Variants in SV2C observed in about 807,000 individuals in gnomAD.
The protein encoded by SV2C is synaptic vesicle glycoprotein 2C, also known as solute carrier family 22 member B3.
A neutral mutation model predicts 79.7 loss-of-function variants in SV2C; 49 were observed. The observed-to-expected ratio is 0.61, with a 90% CI of 0.49 to 0.78. The LOEUF (loss-of-function observed/expected upper bound fraction) is 0.78. SV2C is among the 30% of genes least tolerant of loss of function. The probability of loss-of-function intolerance (pLI) is 0.00; values close to 1 mark genes in which losing one functional copy is unlikely to be tolerated. For synonymous variants in SV2C, 334 were observed against 333.2 expected (o/e 1.00, Z -0.03); for missense variants, 833 against 912.9 (o/e 0.91, Z 1.13).
chr5:76,288,521 A>G (rs1006801454), intron 6 of SV2C, among the ~76,000 whole-genome samples: 5 of 152,230 alleles, frequency 3.3e-5, no homozygotes, highest in African/African-American at 1.2e-4. Flanking sequence ...ATCTTGAGAC[A>G]TTATCTGGAT....
chr5:76,250,737 T>G (rs1419944609), intron 4 of SV2C, among the ~76,000 whole-genome samples: 1 of 152,162 alleles, frequency 6.6e-6, no homozygotes, highest in African/African-American at 2.4e-5. Context: ...CTATGCTGGC[T>G]CAGTACTAAG....
At chr5:76,185,001 G>A (rs1743868381) in intron 2 of SV2C, among the ~76,000 whole-genome samples, 1 of 152,210 alleles carries the variant, frequency 6.6e-6, no homozygotes, top group South Asian at 2.1e-4. Context: ...TTACTTCCTA[G>A]ATACAATGGG....
the SV2C span, chr5:75,921,055 G>A: frequency 1.3e-6 from 1 of 745,840 alleles, no homozygotes; most frequent in Non-Finnish European, 2.4e-6. Context: ...CATGTTTCTT[G>A]TAGTAGCGGG....
At chr5:76,304,814 C>T (rs72775732) in intron 12 of SV2C, among the ~76,000 whole-genome samples, 5 of 152,320 alleles carry the variant, frequency 3.3e-5, no homozygotes, top group Non-Finnish European at 7.4e-5. Context: ...ATGACCTAAT[C>T]ATCTCCTAAA....
chr5:76,110,823 G>T (rs1748072749), intron 1 of SV2C, among the ~76,000 whole-genome samples: 2 of 152,220 alleles, frequency 1.3e-5, no homozygotes, highest in Non-Finnish European at 2.9e-5. Flanking sequence ...GCTTGCCACA[G>T]TGGTGCAAAG....
At chr5:75,928,596 C>A in the SV2C span, among the ~76,000 whole-genome samples, 17 of 152,078 alleles carry the variant, frequency 1.1e-4, no homozygotes, top group African/African-American at 4.1e-4. Context: ...TCCTCCTCAA[C>A]CTTAGAAGGA....
chr5:75,978,791 G>A, the SV2C span, among the ~76,000 whole-genome samples: 1 of 152,092 alleles, frequency 6.6e-6, no homozygotes, highest in South Asian at 2.1e-4. Flanking sequence ...TTCGTATGCT[G>A]TCTTCAAGAG....
At chr5:76,209,715 A>G (rs1430757162) in intron 3 of SV2C, 21 bp from the exon 4 acceptor site, 1 of 1,609,836 alleles carries the variant, frequency 6.2e-7, no homozygotes, top group African/African-American at 1.3e-5. Flanking sequence ...GATTTCATGT[A>G]TTCTCTGTAC....
the SV2C span, among the ~76,000 whole-genome samples, chr5:75,881,501 G>A: frequency 1.3e-5 from 2 of 152,068 alleles, no homozygotes; most frequent in Non-Finnish European, 2.9e-5. Flanking sequence ...TCTCCTTGAA[G>A]AGGTCCTTCA....
the SV2C span, among the ~76,000 whole-genome samples, chr5:75,991,594 TA>T: frequency 6.7e-6 from 1 of 148,442 alleles, no homozygotes; most frequent in Non-Finnish European, 1.5e-5. Flanking sequence ...TACACACATA[TA>T]TATATATATG....
At chr5:76,189,505 T>C (rs1012834803) in intron 2 of SV2C, among the ~76,000 whole-genome samples, 1 of 152,138 alleles carries the variant, frequency 6.6e-6, no homozygotes, top group African/African-American at 2.4e-5. Flanking sequence ...CTAAATCAGG[T>C]CTGGTAATTA....
At chr5:75,884,804 A>T in the SV2C span, among the ~76,000 whole-genome samples, 1 of 150,970 alleles carries the variant, frequency 6.6e-6, no homozygotes, top group Non-Finnish European at 1.5e-5. Context: ...TAAATAAAAA[A>T]TTAATAATGA....
At chr5:76,247,564 C>T (rs1285739018) in intron 4 of SV2C, among the ~76,000 whole-genome samples, 2 of 152,196 alleles carry the variant, frequency 1.3e-5, no homozygotes, top group Non-Finnish European at 2.9e-5. Flanking sequence ...TGAATTATTA[C>T]TGCTGGTAAT....
the SV2C span, among the ~76,000 whole-genome samples, chr5:75,882,525 C>T: frequency 6.6e-6 from 1 of 152,092 alleles, no homozygotes; most frequent in African/African-American, 2.4e-5. Context: ...GTAACCAAAA[C>T]AGCATGGTAC....
intron 4 of SV2C, among the ~76,000 whole-genome samples, chr5:76,257,388 T>C (rs1746317499): frequency 6.6e-6 from 1 of 150,410 alleles, no homozygotes; most frequent in Non-Finnish European, 1.5e-5. Context: ...GGGGGGTGCG[T>C]GTAGTATGTG....
intron 1 of SV2C, among the ~76,000 whole-genome samples, chr5:76,104,712 A>G (rs1198189881): frequency 1.3e-5 from 2 of 152,174 alleles, no homozygotes; most frequent in Non-Finnish European, 2.9e-5. Flanking sequence ...TCTGCAGACT[A>G]TATTCCTGAG....
the SV2C span, among the ~76,000 whole-genome samples, chr5:75,897,250 T>C: frequency 6.6e-6 from 1 of 151,650 alleles, no homozygotes; most frequent in African/African-American, 2.4e-5. Flanking sequence ...TTGTATAAGG[T>C]GTAAGGAAGG....
At chr5:76,219,572 C>T (rs1745007722) in intron 4 of SV2C, among the ~76,000 whole-genome samples, 1 of 152,190 alleles carries the variant, frequency 6.6e-6, no homozygotes, top group Admixed American at 6.5e-5. Flanking sequence ...AACATGGCCA[C>T]AAGCCAGGTC....
chr5:75,942,748 C>A, the SV2C span, among the ~76,000 whole-genome samples: 2 of 152,122 alleles, frequency 1.3e-5, no homozygotes, highest in Admixed American at 6.6e-5. Context: ...AAAGTGCTTC[C>A]GTCAGTAACT....
Sources: gnomAD v4.1 joint callset for allele counts (sites outside exome capture counted in the v4.1 genomes callset) on GRCh38, gnomAD v4.1.1 for gene constraint, MANE v1.5 for transcripts, NCBI Gene and HGNC (gene_info 2026-07-23, HGNC 2026-07-21) for gene names.